The following DHRS4L2 variants were observed in gnomAD, a reference collection of about 807,000 sequenced individuals.
DHRS4L2 encodes dehydrogenase/reductase SDR family member 4-like 2.
DHRS4L2 carries 22 observed loss-of-function variants against 23.9 expected under a neutral mutation model. The ratio of observed to expected loss-of-function variants is 0.92; its 90% CI spans 0.66 to 1.31. The LOEUF (loss-of-function observed/expected upper bound fraction) is 1.31. Ranked by LOEUF, DHRS4L2 falls within the 40% of genes most tolerant of loss-of-function variation. The pLI is 0.00. For missense variants in DHRS4L2, 385 were observed against 303.3 expected, an observed-to-expected ratio of 1.27 and a Z score of -2.00; for synonymous variants, 141 against 123.7, an observed-to-expected ratio of 1.14 and a Z score of -0.93.
chr14:23,987,265 G>C (rs1300058958), upstream of DHRS4L2: 2 of 331,300 alleles, frequency 6.0e-6, no homozygotes, highest in Non-Finnish European at 1.2e-5. Flanking sequence ...CGAGTAGCTG[G>C]GACTACAGGC....
intron 1 of DHRS4L2, among the ~76,000 whole-genome samples, chr14:23,975,563 A>G (rs948721816): frequency 1.3e-5 from 2 of 151,856 alleles, no homozygotes; most frequent in Non-Finnish European, 2.9e-5. Context: ...CTTTCCTCAC[A>G]GAATTGGAAA....
chr14:23,983,951 C>G (rs965496390), upstream of DHRS4L2, among the ~76,000 whole-genome samples: 11 of 151,182 alleles, frequency 7.3e-5, no homozygotes, highest in African/African-American at 2.7e-4. Context: ...TTGATGGGTG[C>G]GGTAAACCAC....
chr14:24,000,849 T>A lies in DHRS4L2; in HGVS notation c.409-14T>A, dbSNP rs372465757. On this transcript the variant is annotated splice_polypyrimidine_tract_variant and intron_variant, in intron 3 of 7. Transcript: ENST00000335125. Reference sequence around the variant, plus strand: ...CTTCACTCATGCTGTTTCCCCTTCTTCTCTTGGCTTCAGACTCTGGACATT... The same window carrying A: ...CTTCACTCATGCTGTTTCCCCTTCTACTCTTGGCTTCAGACTCTGGACATT... The A allele has an allele frequency of 8.0e-5, 128 of 1,605,106 alleles. 2 individuals carry two copies. The African/African-American group carries it at 1.4e-3, about 18-fold the overall frequency.
rs2034487466 is a variant in DHRS4L2, at chr14:24,001,431, C to A, written c.579C>A (p.Asn193Lys). The change falls in exon 6 of 8, where the codon AAC becomes AAA. Residue 193 changes from asparagine (N) to lysine (K), a missense_variant. Transcript: ENST00000335125. Reference protein sequence around the residue: ...NVSKTALLGLNNTLAIELAPR... With the variant: ...NVSKTALLGLKNTLAIELAPR... ...GTAAAACAGCCTTGCTGGGCCTCAA[C>A]AATACCCTGGCCATAGAGCTGGCCC... 2.5e-6 allele frequency: 4 copies of A among 1,607,804 alleles called. No individual in the cohort carries two copies. The East Asian group carries it at 6.8e-5, about 27-fold the overall frequency.
chr14:23,990,947 T>C (rs1182227652), intron 2 of DHRS4L2: 14 of 855,036 alleles, frequency 1.6e-5, no homozygotes, highest in African/African-American at 1.8e-5. Context: ...GCCTGTGGAC[T>C]ACCAGGTACT....
chr14:23,982,192 T>C (rs1594456815), intron 1 of DHRS4L2, among the ~76,000 whole-genome samples: 1 of 151,752 alleles, frequency 6.6e-6, no homozygotes, highest in Admixed American at 6.5e-5. Context: ...CCCTGCGGCT[T>C]TCCGCAGTGC....
intron 6 of DHRS4L2, among the ~76,000 whole-genome samples, chr14:24,001,957 C>CTTGTT (rs2034497756): frequency 7.3e-4 from 4 of 5,516 alleles, no homozygotes; most frequent in Non-Finnish European, 8.9e-4. Flanking sequence ...CTTTCCTCTT[C>CTTGTT]TTTTTTTTTT....
At chr14:23,982,037 C>G (rs2034061793) in intron 1 of DHRS4L2, among the ~76,000 whole-genome samples, 1 of 150,324 alleles carries the variant, frequency 6.7e-6, no homozygotes, top group African/African-American at 2.4e-5. Flanking sequence ...AGAGGCCTTC[C>G]TCTTTTATTA....
chr14:23,988,598 AC>A (rs747924051), upstream of DHRS4L2: 7 of 270,118 alleles, frequency 2.6e-5, no homozygotes, highest in African/African-American at 8.9e-5. Context: ...CAAAACCCCC[AC>A]TTCCCCAAGA....
intron 3 of DHRS4L2, among the ~76,000 whole-genome samples, chr14:23,998,004 T>A (rs2034415940): frequency 6.6e-6 from 1 of 151,882 alleles, no homozygotes; most frequent in African/African-American, 2.4e-5. Flanking sequence ...AAGTCAGAAT[T>A]ACCCCCGATC....
exon 1 of DHRS4L2, chr14:23,970,090 G>A (rs2033818141): frequency 2.2e-6 from 1 of 456,350 alleles, no homozygotes; most frequent in African/African-American, 2.0e-5. Flanking sequence ...CGGCAGTAGG[G>A]GTCAGGGTGG....
At chr14:23,982,296 C>A (rs936246846) in intron 1 of DHRS4L2, among the ~76,000 whole-genome samples, 1 of 151,684 alleles carries the variant, frequency 6.6e-6, no homozygotes, top group Non-Finnish European at 1.5e-5. Context: ...ACATCCTGCA[C>A]AGCCCTAGAT....
In DHRS4L2 at chr14:23,973,565, A is replaced by G. The variant is rs142734226; in HGVS notation, c.-176+3233A>G. On this transcript the variant is annotated intron_variant, in intron 1 of 5. Coordinates refer to the DHRS4L2 transcript ENST00000534993. ...AAAGGGATGGAGGAAGATCTACAAA[A>G]CAAATGGAAAGCAAAAAAAAGCAGG... Among the ~76,000 whole-genome samples, 47 of 151,950 alleles carry G rather than the reference A, an allele frequency of 3.1e-4. 1 individual carries two copies. The East Asian group carries it at 7.9e-3, about 26-fold the overall frequency.
At chr14:23,973,447 G>C (rs1307292392) in intron 1 of DHRS4L2, among the ~76,000 whole-genome samples, 2 of 151,960 alleles carry the variant, frequency 1.3e-5, no homozygotes, top group African/African-American at 4.8e-5. Flanking sequence ...TGCAGCGGCG[G>C]GCTGAAGGGC....
At chr14:23,969,936 G>C (rs1374935352) in exon 1 of DHRS4L2, 7 of 452,204 alleles carry the variant, frequency 1.5e-5, no homozygotes, top group African/African-American at 4.0e-5. Context: ...CCGGTGGGGG[G>C]AGGGGCGCTC....
At chr14:23,977,542 C>A (rs1434207542) in intron 1 of DHRS4L2, among the ~76,000 whole-genome samples, 2 of 150,972 alleles carry the variant, frequency 1.3e-5, no homozygotes, top group Non-Finnish European at 2.9e-5. Context: ...TTCATCAAAA[C>A]TGCTTAAATC....
intron 1 of DHRS4L2, among the ~76,000 whole-genome samples, chr14:23,977,835 C>A (rs561883682): frequency 1.3e-4 from 20 of 151,568 alleles, no homozygotes; most frequent in Non-Finnish European, 2.8e-4. Context: ...ACAATTATTG[C>A]ACCCTCTAAA....
rs71405825 is a variant in DHRS4L2, at chr14:23,996,664, T to C, written c.408+1531T>C. 4.8e-4 allele frequency among the ~76,000 whole-genome samples: 66 copies of C among 136,836 alleles called. 2 individuals are homozygous for C. The highest frequency in any genetic ancestry group is 1.2e-3 in the Admixed American group (17 of 13,792). 89.8% of individuals were successfully genotyped at this position (136,836 alleles called of 152,430 possible). ...TGTCTTTTTTCCTTTTTTTTTTTTT[T>C]CCCCCTCGCTGTGTCATTGAGGCTA... is the stretch of plus-strand genomic sequence containing the variant. On this transcript the variant is annotated intron_variant, in intron 3 of 7. Transcript: ENST00000335125.
chr14:23,970,750 C>A (rs1162226516), intron 1 of DHRS4L2, among the ~76,000 whole-genome samples: 1 of 151,966 alleles, frequency 6.6e-6, no homozygotes, highest in Non-Finnish European at 1.5e-5. Context: ...AGGTGGGTGC[C>A]CCTGTGGAAC....
Sources: gnomAD v4.1 joint callset for allele counts (sites outside exome capture counted in the v4.1 genomes callset) on GRCh38, gnomAD v4.1.1 for gene constraint, MANE v1.5 for transcripts, NCBI Gene and HGNC (gene_info 2026-07-23, HGNC 2026-07-21) for gene names.